The following TRPC4 variants were observed in gnomAD, a reference collection of about 807,000 sequenced individuals.
TRPC4 encodes the protein short transient receptor potential channel 4.
Under a neutral mutation model 99.4 loss-of-function variants are expected in TRPC4, and 49 were observed. That is an observed-to-expected ratio of 0.49 (90% CI 0.39 to 0.63). TRPC4 has a LOEUF of 0.63. Ranked by LOEUF, TRPC4 falls within the 20% of genes least tolerant of loss-of-function variation. The pLI is 0.00. For missense variants in TRPC4, 898 were observed against 1,152.9 expected, an observed-to-expected ratio of 0.78 and a Z score of 3.20; for synonymous variants, 454 against 425.9, an observed-to-expected ratio of 1.07 and a Z score of -0.81.
At chr13:37,697,903 C>T (rs1303155366) in intron 3 of TRPC4, among the ~76,000 whole-genome samples, 2 of 152,008 alleles carry the variant, frequency 1.3e-5, no homozygotes, top group African/African-American at 4.8e-5. Context: ...ATTCCAATGT[C>T]TATAAAGTAA....
chr13:37,718,079 A>C (rs1484612793), intron 3 of TRPC4, among the ~76,000 whole-genome samples: 1 of 151,984 alleles, frequency 6.6e-6, no homozygotes, highest in Non-Finnish European at 1.5e-5. Flanking sequence ...ACAAAAATAT[A>C]TGACAGTATT....
intron 8 of TRPC4, among the ~76,000 whole-genome samples, chr13:37,647,247 C>G (rs1414926641): frequency 2.6e-5 from 4 of 152,088 alleles, no homozygotes; most frequent in African/African-American, 9.7e-5. Flanking sequence ...TGACGAGTGT[C>G]AGTAAGTGAA....
intron 1 of TRPC4, among the ~76,000 whole-genome samples, chr13:37,783,730 C>T (rs1566168615): frequency 6.6e-6 from 1 of 151,976 alleles, no homozygotes; most frequent in Non-Finnish European, 1.5e-5. Flanking sequence ...TTTGAGATCT[C>T]AAAACTAGAC....
chr13:37,837,464 C>A (rs2139621034), intron 1 of TRPC4, among the ~76,000 whole-genome samples: 1 of 152,326 alleles, frequency 6.6e-6, no homozygotes, highest in South Asian at 2.1e-4. Flanking sequence ...CTCAGCATGA[C>A]CTGGATGTGA....
intron 1 of TRPC4, among the ~76,000 whole-genome samples, chr13:37,826,517 T>C (rs1406316355): frequency 4.0e-5 from 6 of 150,280 alleles, no homozygotes; most frequent in Admixed American, 2.0e-4. Context: ...GGATTTTATT[T>C]CTCCTTCACT....
At chr13:37,667,636 C>T (rs186967468) in intron 5 of TRPC4, among the ~76,000 whole-genome samples, 76 of 152,268 alleles carry the variant, frequency 5.0e-4, no homozygotes, top group Admixed American at 1.9e-3. Flanking sequence ...AAGAACCCAA[C>T]CAGCCCATGT....
intron 1 of TRPC4, among the ~76,000 whole-genome samples, chr13:37,829,781 A>G (rs1253305083): frequency 6.6e-6 from 1 of 152,178 alleles, no homozygotes; most frequent in Non-Finnish European, 1.5e-5. Flanking sequence ...TCAAATATAT[A>G]TATATAATAG....
intron 6 of TRPC4, among the ~76,000 whole-genome samples, chr13:37,658,632 A>G (rs1201514311): frequency 1.3e-5 from 2 of 152,350 alleles, no homozygotes; most frequent in Non-Finnish European, 2.9e-5. Context: ...GCTTAATGAG[A>G]CAATACCTGT....
At chr13:37,773,112 T>C (rs950133023) in intron 2 of TRPC4, among the ~76,000 whole-genome samples, 2 of 151,712 alleles carry the variant, frequency 1.3e-5, no homozygotes, top group African/African-American at 4.8e-5. Flanking sequence ...CTGAAGGAAT[T>C]TCAGGACACT....
chr13:37,839,252 C>G (rs1022453985), intron 1 of TRPC4, among the ~76,000 whole-genome samples: 1 of 152,070 alleles, frequency 6.6e-6, no homozygotes, highest in Non-Finnish European at 1.5e-5. Context: ...CTGTTCTCCC[C>G]CTTTGTGGAG....
chr13:37,723,091 A>G (rs1221855635), intron 3 of TRPC4, among the ~76,000 whole-genome samples: 1 of 152,208 alleles, frequency 6.6e-6, no homozygotes, highest in Non-Finnish European at 1.5e-5. Flanking sequence ...CTTCAAACAT[A>G]TAAACACGCA....
Position 37,656,217 on chromosome 13 carries a change from A to T in TRPC4, c.1689-934T>A, listed in dbSNP as rs180720956. On this transcript the variant is annotated intron_variant, in intron 6 of 10. Transcript: ENST00000379705. ...ATGGAGAATTGTTTGTTTCAAAGGGACCATAATAATACATTAATATAGTGT... is the reference window on the plus strand; with the variant it reads ...ATGGAGAATTGTTTGTTTCAAAGGGTCCATAATAATACATTAATATAGTGT... Among the ~76,000 whole-genome samples, 17 of 152,280 alleles carry T rather than the reference A, an allele frequency of 1.1e-4. No homozygotes were observed. In the East Asian group the frequency reaches 3.3e-3, roughly 29 times the overall value.
chr13:37,729,277 G>GATGC (rs778418579), intron 3 of TRPC4, among the ~76,000 whole-genome samples: 154 of 152,150 alleles, frequency 1.0e-3, no homozygotes, highest in Non-Finnish European at 1.5e-3. Flanking sequence ...ACTACAATGA[G>GATGC]ATGCACCCTC....
intron 4 of TRPC4, among the ~76,000 whole-genome samples, chr13:37,681,719 C>T (rs1819275404): frequency 6.6e-6 from 1 of 152,180 alleles, no homozygotes; most frequent in South Asian, 2.1e-4. Flanking sequence ...AAGATTAAGA[C>T]AGCTTCTGTC....
intron 1 of TRPC4, among the ~76,000 whole-genome samples, chr13:37,794,287 G>T (rs928685362): frequency 6.6e-5 from 10 of 151,962 alleles, no homozygotes; most frequent in Admixed American, 6.6e-4. Context: ...AGTTTATTTT[G>T]TTAAAAGGAA....
chr13:37,716,197 C>T (rs1170014197), intron 3 of TRPC4, among the ~76,000 whole-genome samples: 2 of 152,010 alleles, frequency 1.3e-5, no homozygotes, highest in Admixed American at 6.6e-5. Flanking sequence ...GTGTGACTTC[C>T]TGCATAGTTT....
intron 2 of TRPC4, among the ~76,000 whole-genome samples, chr13:37,761,792 C>T (rs1956227283): frequency 6.6e-6 from 1 of 151,928 alleles, no homozygotes; most frequent in South Asian, 2.1e-4. Context: ...CACATAAACA[C>T]AGTCCCAATT....
intron 1 of TRPC4, among the ~76,000 whole-genome samples, chr13:37,847,579 G>A (rs1028486412): frequency 1.3e-5 from 2 of 152,098 alleles, no homozygotes; most frequent in African/African-American, 2.4e-5. Context: ...TCCCTAATTT[G>A]ATCATTATAA....
chr13:37,665,847 A>C (rs1952630119), intron 5 of TRPC4, among the ~76,000 whole-genome samples: 1 of 148,812 alleles, frequency 6.7e-6, no homozygotes, highest in Admixed American at 6.7e-5. Flanking sequence ...AGACAAAAAA[A>C]AAAAAAAAAA....
Sources: gnomAD v4.1 joint callset for allele counts (sites outside exome capture counted in the v4.1 genomes callset) on GRCh38, gnomAD v4.1.1 for gene constraint, MANE v1.5 for transcripts, NCBI Gene and HGNC (gene_info 2026-07-23, HGNC 2026-07-21) for gene names.